Variants in BTLA observed in about 807,000 individuals in gnomAD.
The protein encoded by BTLA is B- and T-lymphocyte attenuator.
BTLA carries 11 observed loss-of-function variants against 25.0 expected under a neutral mutation model. The observed-to-expected ratio is 0.44, with a 90% CI of 0.28 to 0.73. The LOEUF is 0.73. Among genes scored for constraint, BTLA ranks in the 30% least tolerant of loss-of-function variants. The probability of loss-of-function intolerance (pLI) is 0.15; values close to 1 mark genes in which losing one functional copy is unlikely to be tolerated. For synonymous variants in BTLA, 104 were observed against 119.8 expected (o/e 0.87, Z 0.86); for missense variants, 282 against 332.8 (o/e 0.85, Z 1.19).
intron 2 of BTLA, among the ~76,000 whole-genome samples, chr3:112,473,344 G>C (rs73853430): frequency 0.022 from 3,336 of 151,944 alleles, 86 homozygotes; most frequent in African/African-American, 0.064. Context: ...TAAATATCTG[G>C]GCTTATTTTG....
intron 1 of BTLA, among the ~76,000 whole-genome samples, chr3:112,490,393 T>C (rs537652771): frequency 4.6e-4 from 70 of 152,256 alleles, no homozygotes; most frequent in Non-Finnish European, 9.1e-4. Context: ...TTCTCACGAG[T>C]ACAGTGAAAA....
chr3:112,493,773 A>T (rs549958534), intron 1 of BTLA, among the ~76,000 whole-genome samples: 2 of 148,554 alleles, frequency 1.3e-5, no homozygotes, highest in South Asian at 2.4e-4. Flanking sequence ...AAGTGCTGGG[A>T]TTACAGGCGA....
intron 1 of BTLA, among the ~76,000 whole-genome samples, chr3:112,488,232 T>TC (rs1272668336): frequency 2.1e-5 from 3 of 145,548 alleles, no homozygotes; most frequent in South Asian, 2.2e-4. Flanking sequence ...TTTTTTCTTT[T>TC]TTTTTTTTTT....
Position 112,498,280 on chromosome 3 carries a change from G to A in BTLA, c.88+991C>T, listed in dbSNP as rs992738897. 4.6e-5 allele frequency among the ~76,000 whole-genome samples: 7 copies of A among 151,856 alleles called. No homozygotes were observed. In the East Asian group the frequency reaches 1.2e-3, roughly 25 times the overall value. On this transcript the variant is annotated intron_variant, in intron 1 of 4. Coordinates refer to ENST00000334529, the MANE Select transcript of BTLA (RefSeq NM_181780.4). ...AAATTAGCTGTGCGTGGTGGAAGGT[G>A]CCTGTAATCCCAGCTACTAGGGACG...
intron 1 of BTLA, among the ~76,000 whole-genome samples, chr3:112,488,266 C>G (rs558993896): frequency 1.6e-5 from 2 of 124,502 alleles, no homozygotes; most frequent in African/African-American, 3.0e-5. Context: ...CTCGCTCTGT[C>G]GCCCAGGCTG....
At chr3:112,481,662 A>G (rs57606986) in intron 1 of BTLA, among the ~76,000 whole-genome samples, 3,317 of 152,328 alleles carry the variant, frequency 0.022, 87 homozygotes, top group African/African-American at 0.064. Flanking sequence ...CTTCTTGAAT[A>G]GTACTTCACT....
In BTLA at chr3:112,486,718, A is replaced by T. The variant is rs1210410042; in HGVS notation, c.89-6949T>A. On this transcript the variant is annotated intron_variant, in intron 1 of 4. Coordinates refer to ENST00000334529, the MANE Select transcript of BTLA (RefSeq NM_181780.4). ...TTAGTTTTAAAACAACATTAAAAAA[A>T]TTTCAATTGTAAAAATATTAATCAA... 2.6e-5 allele frequency among the ~76,000 whole-genome samples: 4 copies of T among 152,250 alleles called. No homozygotes were observed. The East Asian group carries it at 7.7e-4, about 29-fold the overall frequency.
intron 1 of BTLA, among the ~76,000 whole-genome samples, chr3:112,489,813 G>C (rs1044808611): frequency 6.6e-6 from 1 of 152,210 alleles, no homozygotes; most frequent in African/African-American, 2.4e-5. Context: ...AAGGCATCCA[G>C]ATGGTATGTT....
rs1200967218 is a variant in BTLA at position 112,479,558 on chromosome 3, T to A, written c.300A>T (p.Leu100=). ...KEEKNISFFI[L]HFEPVLPNDN... is the part of the protein sequence containing the mutation. ...CATTAGGAAGCACTGGTTCAAAATG[T>A]AGAATGAAAAATGAAATGTTCTTCT... Residue 100 remains leucine, a synonymous_variant, in exon 2 of 5, where the codon CTA becomes CTT. Coordinates refer to ENST00000334529, the MANE Select transcript of BTLA (RefSeq NM_181780.4). The A allele has an allele frequency of 1.2e-6, 2 of 1,614,092 alleles. No individual in the cohort carries two copies. Among genetic ancestry groups the A allele is most frequent in the Non-Finnish European group, 1.7e-6 (2 of 1,179,902 alleles).
intron 1 of BTLA, among the ~76,000 whole-genome samples, chr3:112,493,356 A>T (rs2107338975): frequency 6.6e-6 from 1 of 152,352 alleles, no homozygotes; most frequent in South Asian, 2.1e-4. Flanking sequence ...CATCAGAGCA[A>T]AAAGGCAACC....
intron 1 of BTLA, 132 bp from the exon 2 acceptor site, chr3:112,479,901 T>C (rs2107321286): frequency 2.9e-6 from 2 of 681,958 alleles, no homozygotes; most frequent in African/African-American, 1.8e-5. Context: ...AATTAAGCCT[T>C]ACTAGCAGAA....
intron 2 of BTLA, among the ~76,000 whole-genome samples, chr3:112,476,991 A>G (rs780722023): frequency 5.3e-5 from 8 of 152,160 alleles, no homozygotes; most frequent in Non-Finnish European, 1.0e-4. Context: ...AGGTTCATCA[A>G]TGTTGTAGCA....
At chr3:112,471,186 G>A (rs2082259923) in intron 3 of BTLA, 26 bp downstream of exon 3, 1 of 1,610,604 alleles carries the variant, frequency 6.2e-7, no homozygotes, top group African/African-American at 1.3e-5. Flanking sequence ...GTGTGGTACT[G>A]GGGGCAGAGG....
chr3:112,476,700 A>T (rs1207225838), intron 2 of BTLA, among the ~76,000 whole-genome samples: 1 of 152,228 alleles, frequency 6.6e-6, no homozygotes, highest in Non-Finnish European at 1.5e-5. Context: ...ATAACATAAA[A>T]GTTACCAATT....
At chr3:112,499,207 G>C (rs2082427987) in intron 1 of BTLA, 64 bp downstream of exon 1, 1 of 1,161,816 alleles carries the variant, frequency 8.6e-7, no homozygotes. Context: ...TTCAGCAAGG[G>C]AGAATGTTGC....
At chr3:112,474,754 C>G (rs997970701) in intron 2 of BTLA, among the ~76,000 whole-genome samples, 3 of 152,102 alleles carry the variant, frequency 2.0e-5, no homozygotes, top group Non-Finnish European at 4.4e-5. Flanking sequence ...TAGGTGGAGA[C>G]AGATGAATGG....
At position 112,469,917 on chromosome 3, in the gene BTLA, G is replaced by A. The variant is rs574278262; in HGVS notation, c.548-113C>T. The A allele has an allele frequency of 5.7e-5, 48 of 842,778 alleles. 2 individuals carry two copies. The South Asian group carries it at 6.5e-4, about 11-fold the overall frequency. The allele number at this position is 842,778 out of a possible 1,614,324, so 52.2% of individuals were successfully genotyped here. A position where few individuals can be genotyped will look rare whatever the true frequency, so the allele number is the denominator to read the frequency against. ...TGCCAGGGATAGTGTTGTTAGTTTT[G>A]GCTTGTTAATTTGCTTTGCCTAGCA... is the stretch of plus-strand genomic sequence containing the variant. On this transcript the variant is annotated intron_variant, in intron 3 of 4. Coordinates refer to ENST00000334529, the MANE Select transcript of BTLA (RefSeq NM_181780.4).
chr3:112,469,629 A>AGTACATAGAATATGTATGTAC (rs71631392), intron 4 of BTLA, 129 bp downstream of exon 4: 1 of 125,754 alleles, frequency 8.0e-6, no homozygotes, highest in African/African-American at 3.1e-5. Flanking sequence ...ATATATATAT[A>AGTACATAGAATATGTATGTAC]TATATATATA....
In BTLA at chr3:112,467,018, T is replaced by C. The variant is rs1014122948; in HGVS notation, c.595-635A>G. ...TATAGCCCAGGCTGGAGTGCAGTGG[T>C]GCGATCTCGGCTCACCGCAAGCTCC... is the stretch of plus-strand genomic sequence containing the variant. On this transcript the variant is annotated intron_variant, in intron 4 of 4. Transcript: ENST00000334529. 2.2e-4 allele frequency among the ~76,000 whole-genome samples: 34 copies of C among 151,590 alleles called. No homozygotes were observed. In the East Asian group the frequency reaches 4.9e-3, roughly 22 times the overall value.
Sources: gnomAD v4.1 joint callset for allele counts (sites outside exome capture counted in the v4.1 genomes callset) on GRCh38, gnomAD v4.1.1 for gene constraint, MANE v1.5 for transcripts, NCBI Gene and HGNC (gene_info 2026-07-23, HGNC 2026-07-21) for gene names.